The following PCDH15 variants were observed in gnomAD, a reference collection of about 807,000 sequenced individuals.
PCDH15 encodes the protein protocadherin related 15.
Under a neutral mutation model 178.5 loss-of-function variants are expected in PCDH15, and 129 were observed. The ratio of observed to expected loss-of-function variants is 0.72; its 90% CI spans 0.63 to 0.84. PCDH15 has a LOEUF of 0.84. Ranked by LOEUF, PCDH15 falls within the 40% of genes least tolerant of loss-of-function variation. The pLI, the probability that PCDH15 is intolerant of heterozygous loss-of-function variation, is 0.00. For synonymous variants in PCDH15, 800 were observed against 732.0 expected, an observed-to-expected ratio of 1.09 and a Z score of -1.50; for missense variants, 2,230 against 2,099.9, an observed-to-expected ratio of 1.06 and a Z score of -1.21.
chr10:55,281,999 C>G (rs1293909794), intron 1 of PCDH15, among the ~76,000 whole-genome samples: 1 of 152,138 alleles, frequency 6.6e-6, no homozygotes, highest in African/African-American at 2.4e-5. Context: ...AATGAAATAG[C>G]TTCATAACTA....
chr10:54,550,638 T>A (rs546408962), intron 2 of PCDH15, among the ~76,000 whole-genome samples: 126 of 152,308 alleles, frequency 8.3e-4, no homozygotes, highest in Admixed American at 7.7e-3. Context: ...ACAAATTGCT[T>A]TCTACATCAA....
At chr10:55,052,122 C>T (rs1283475457) in intron 2 of PCDH15, among the ~76,000 whole-genome samples, 5 of 150,076 alleles carry the variant, frequency 3.3e-5, no homozygotes, top group African/African-American at 1.2e-4. Flanking sequence ...GACTCTCGCT[C>T]AGTTGCTCAG....
chr10:54,289,080 C>G, intron 8 of PCDH15, among the ~76,000 whole-genome samples: 1 of 152,302 alleles, frequency 6.6e-6, no homozygotes, highest in South Asian at 2.1e-4. Flanking sequence ...CCCTGACCCC[C>G]GTTTAGCCTA....
At chr10:54,729,096 G>A (rs904450562) in intron 1 of PCDH15, among the ~76,000 whole-genome samples, 2 of 151,440 alleles carry the variant, frequency 1.3e-5, no homozygotes, top group African/African-American at 4.8e-5. Flanking sequence ...AAACCAAAAA[G>A]AGCCTGAATA....
intron 2 of PCDH15, among the ~76,000 whole-genome samples, chr10:55,473,184 T>C (rs1839998675): frequency 6.6e-6 from 1 of 152,174 alleles, no homozygotes. Context: ...CTGTGTTAAT[T>C]CAGGTTTGTG....
At chr10:54,614,010 T>G (rs1409410927) in intron 2 of PCDH15, among the ~76,000 whole-genome samples, 1 of 151,950 alleles carries the variant, frequency 6.6e-6, no homozygotes, top group Admixed American at 6.6e-5. Flanking sequence ...AACTGTTTCT[T>G]AATAAAACTA....
chr10:54,022,349 C>T (rs2092949656), intron 19 of PCDH15, among the ~76,000 whole-genome samples: 1 of 151,782 alleles, frequency 6.6e-6, no homozygotes, highest in South Asian at 2.1e-4. Context: ...GAAAACAATA[C>T]AGAATAATGG....
At chr10:54,466,355 T>C (rs1489356542) in intron 3 of PCDH15, among the ~76,000 whole-genome samples, 1 of 151,980 alleles carries the variant, frequency 6.6e-6, no homozygotes, top group East Asian at 1.9e-4. Flanking sequence ...GATTTTTCTA[T>C]GTAGTGAGAA....
At chr10:55,090,571 C>T (rs1487723984) in intron 2 of PCDH15, among the ~76,000 whole-genome samples, 2 of 152,080 alleles carry the variant, frequency 1.3e-5, no homozygotes, top group Admixed American at 1.3e-4. Flanking sequence ...GAGACTAGAA[C>T]GACTCACCTT....
intron 2 of PCDH15, among the ~76,000 whole-genome samples, chr10:54,642,001 C>A (rs573591563): frequency 6.6e-6 from 1 of 152,184 alleles, no homozygotes; most frequent in East Asian, 1.9e-4. Context: ...GGCCTTTATT[C>A]ATATTGCTAT....
At chr10:54,358,598 T>C (rs1393814143) in intron 5 of PCDH15, among the ~76,000 whole-genome samples, 3 of 151,162 alleles carry the variant, frequency 2.0e-5, no homozygotes, top group Middle Eastern at 3.2e-3. Context: ...TGGAAGTCAG[T>C]GTGGCGATTC....
chr10:55,518,023 C>T (rs1362312779), intron 2 of PCDH15, among the ~76,000 whole-genome samples: 1 of 152,136 alleles, frequency 6.6e-6, no homozygotes. Flanking sequence ...GGCTGAGAGA[C>T]AGGGGCTAAT....
At chr10:54,689,553 G>A (rs933119331) in intron 1 of PCDH15, among the ~76,000 whole-genome samples, 2 of 152,136 alleles carry the variant, frequency 1.3e-5, no homozygotes, top group African/African-American at 2.4e-5. Flanking sequence ...ATTAGGGACT[G>A]AATAAAGTTT....
intron 2 of PCDH15, among the ~76,000 whole-genome samples, chr10:55,051,916 T>C (rs983343780): frequency 3.3e-5 from 5 of 152,138 alleles, no homozygotes; most frequent in South Asian, 2.1e-4. Flanking sequence ...CTTGGGAAAA[T>C]AGACTATTGC....
intron 2 of PCDH15, among the ~76,000 whole-genome samples, chr10:55,068,619 T>G (rs1203386760): frequency 6.6e-6 from 1 of 152,104 alleles, no homozygotes; most frequent in Non-Finnish European, 1.5e-5. Context: ...ATTTTTTATT[T>G]CTGTGAAAAA....
chr10:54,198,111 G>A (rs2049857851), intron 10 of PCDH15, among the ~76,000 whole-genome samples: 1 of 152,258 alleles, frequency 6.6e-6, no homozygotes, highest in Admixed American at 6.5e-5. Flanking sequence ...TCCTGTCTGG[G>A]ATTATGTATC....
At chr10:55,312,034 G>T (rs1173828705) in intron 1 of PCDH15, among the ~76,000 whole-genome samples, 1 of 152,144 alleles carries the variant, frequency 6.6e-6, no homozygotes, top group African/African-American at 2.4e-5. Flanking sequence ...ATTAAAAGAG[G>T]TTGTAATGTG....
At chr10:54,831,718 A>G (rs1194767763) in intron 3 of PCDH15, among the ~76,000 whole-genome samples, 1 of 152,120 alleles carries the variant, frequency 6.6e-6, no homozygotes, top group Non-Finnish European at 1.5e-5. Context: ...GCATATTTTT[A>G]CATTTTTAAA....
intron 2 of PCDH15, among the ~76,000 whole-genome samples, chr10:55,564,612 G>A (rs528832648): frequency 2.0e-4 from 31 of 151,586 alleles, no homozygotes; most frequent in Non-Finnish European, 3.8e-4. Flanking sequence ...CTGTCTAAAA[G>A]AGACTCACTC....
Sources: gnomAD v4.1 joint callset for allele counts (sites outside exome capture counted in the v4.1 genomes callset) on GRCh38, gnomAD v4.1.1 for gene constraint, MANE v1.5 for transcripts, NCBI Gene and HGNC (gene_info 2026-07-23, HGNC 2026-07-21) for gene names.